BTBD16: variants seen among roughly 807,000 people sequenced by gnomAD.
BTBD16 encodes the protein BTB domain containing 16.
A neutral mutation model predicts 67.4 loss-of-function variants in BTBD16; 66 were observed. That is an observed-to-expected ratio of 0.98 (90% CI 0.80 to 1.20). The LOEUF (loss-of-function observed/expected upper bound fraction) is 1.20. Among genes scored for constraint, BTBD16 ranks in the 50% most tolerant of loss-of-function variants. The pLI is 0.00. For synonymous variants in BTBD16, 242 were observed against 236.4 expected, an observed-to-expected ratio of 1.02 and a Z score of -0.22; for missense variants, 634 against 616.0, an observed-to-expected ratio of 1.03 and a Z score of -0.31.
chr10:122,297,179 A>C (rs747093016), intron 7 of BTBD16, among the ~76,000 whole-genome samples: 2 of 152,190 alleles, frequency 1.3e-5, no homozygotes, highest in Non-Finnish European at 2.9e-5. Context: ...TTGACTTAAC[A>C]TGTCACCTCA....
At chr10:122,325,360 G>A (rs2096442607) in intron 10 of BTBD16, among the ~76,000 whole-genome samples, 1 of 152,164 alleles carries the variant, frequency 6.6e-6, no homozygotes, top group African/African-American at 2.4e-5. Flanking sequence ...GCAGAGACAA[G>A]CAATAAATCA....
chr10:122,303,429 T>C (rs2096397726), intron 9 of BTBD16, among the ~76,000 whole-genome samples: 1 of 152,268 alleles, frequency 6.6e-6, no homozygotes, highest in African/African-American at 2.4e-5. Flanking sequence ...GCATATCTAA[T>C]GAGCATTTAA....
At chr10:122,307,369 CATA>C in intron 10 of BTBD16, 61 bp downstream of exon 10, 1 of 1,455,978 alleles carries the variant, frequency 6.9e-7, no homozygotes, top group Non-Finnish European at 9.2e-7. Context: ...AAACACTGCT[CATA>C]ATATCACGGG....
chr10:122,303,885 C>G (rs2096398663), intron 9 of BTBD16, among the ~76,000 whole-genome samples: 1 of 152,150 alleles, frequency 6.6e-6, no homozygotes, highest in Non-Finnish European at 1.5e-5. Flanking sequence ...CAAACGAATA[C>G]TTTCAGGTCT....
chr10:122,299,833 T>C (rs960155672), intron 9 of BTBD16, among the ~76,000 whole-genome samples: 1 of 152,194 alleles, frequency 6.6e-6, no homozygotes, highest in Admixed American at 6.5e-5. Flanking sequence ...TCTAACTGTC[T>C]TGCTTCTGGT....
At position 122,334,916 on chromosome 10, in the gene BTBD16, T is replaced by C. The variant is rs746498662; in HGVS notation, c.1200T>C (p.Tyr400=). ...CTTATTCGAAAACGATTGCTCTATA[T>C]GGATTCTTCTTTAAGATAAAGGGAC... ...NTTYSKTIAL[Y]GFFFKIKGLK... Residue 400 remains tyrosine, a synonymous_variant, in exon 14 of 16, where the codon TAT becomes TAC. Transcript: ENST00000260723. 6.3e-7 allele frequency: 1 copy of C among 1,576,006 alleles called. No individual in the cohort carries two copies. Among genetic ancestry groups the C allele is most frequent in the East Asian group, 2.2e-5 (1 of 44,538 alleles).
At chr10:122,305,263 C>A (rs2096401590) in intron 9 of BTBD16, among the ~76,000 whole-genome samples, 2 of 152,196 alleles carry the variant, frequency 1.3e-5, no homozygotes, top group Non-Finnish European at 2.9e-5. Context: ...CCCAGGTGAT[C>A]AGTATAATAT....
intron 9 of BTBD16, among the ~76,000 whole-genome samples, chr10:122,306,535 G>A (rs1274478352): frequency 6.6e-6 from 1 of 152,150 alleles, no homozygotes; most frequent in Non-Finnish European, 1.5e-5. Context: ...GTCTGGTGAG[G>A]AACTGAGATT....
rs761951064 is a variant in BTBD16, at chr10:122,272,362, A to G, written c.-43+848A>G. 6.0e-4 allele frequency among the ~76,000 whole-genome samples: 91 copies of G among 152,018 alleles called. 1 individual carries two copies. Among genetic ancestry groups the G allele is most frequent in the Non-Finnish European group, 1.1e-3 (76 of 67,998 alleles). ...TTTTTCTTTTTTCTTTCCCCTCGAG[A>G]CAGAGTTTCGCTCTTGTTTCCCAGG... On this transcript the variant is annotated intron_variant, in intron 1 of 15. Transcript: ENST00000260723.
At chr10:122,328,512 G>C (rs1266035809) in intron 10 of BTBD16, among the ~76,000 whole-genome samples, 1 of 152,228 alleles carries the variant, frequency 6.6e-6, no homozygotes, top group Non-Finnish European at 1.5e-5. Flanking sequence ...AAAATAAACG[G>C]TTCCGGGAAA....
At chr10:122,299,637 C>G (rs1590067451) in intron 9 of BTBD16, among the ~76,000 whole-genome samples, 3 of 152,076 alleles carry the variant, frequency 2.0e-5, no homozygotes, top group African/African-American at 7.2e-5. Context: ...CCCAGTGTTC[C>G]TCCACCATCT....
chr10:122,280,035 G>T (rs1184531856), intron 3 of BTBD16, among the ~76,000 whole-genome samples: 1 of 152,164 alleles, frequency 6.6e-6, no homozygotes, highest in Non-Finnish European at 1.5e-5. Flanking sequence ...CAGAGGTGCT[G>T]ATCTTCAGGC....
intron 10 of BTBD16, among the ~76,000 whole-genome samples, chr10:122,313,202 AT>A (rs1403888159): frequency 6.7e-6 from 1 of 148,992 alleles, no homozygotes; most frequent in African/African-American, 2.5e-5. Context: ...GATGAACAAA[AT>A]TTTAAATTTT....
chr10:122,293,316 C>T (rs2096377374), intron 7 of BTBD16, among the ~76,000 whole-genome samples: 1 of 152,216 alleles, frequency 6.6e-6, no homozygotes, highest in South Asian at 2.1e-4. Flanking sequence ...AGAGTTCACA[C>T]AGTCAGATTC....
chr10:122,316,070 C>T (rs2096423701), intron 10 of BTBD16, among the ~76,000 whole-genome samples: 1 of 152,134 alleles, frequency 6.6e-6, no homozygotes, highest in African/African-American at 2.4e-5. Flanking sequence ...AGTTTGAGAC[C>T]AGCCTGACCA....
At chr10:122,336,827 G>A (rs1301352644) in intron 15 of BTBD16, 145 bp downstream of exon 15, 4 of 689,722 alleles carry the variant, frequency 5.8e-6, no homozygotes, top group East Asian at 6.4e-5. Flanking sequence ...GATTATCACA[G>A]CCTCAAATAA....
chr10:122,298,188 T>C (rs2096387151), intron 8 of BTBD16, among the ~76,000 whole-genome samples: 1 of 152,124 alleles, frequency 6.6e-6, no homozygotes, highest in Non-Finnish European at 1.5e-5. Flanking sequence ...GGGTTAGGAA[T>C]AAATGATAGA....
chr10:122,331,074 T>C, intron 11 of BTBD16, 102 bp from the exon 12 acceptor site: 1 of 1,481,824 alleles, frequency 6.7e-7, no homozygotes, highest in Non-Finnish European at 9.0e-7. Flanking sequence ...CCCTTTCCCT[T>C]CCCTCAGCTC....
intron 10 of BTBD16, among the ~76,000 whole-genome samples, chr10:122,314,374 C>T (rs1251366782): frequency 6.6e-6 from 1 of 152,106 alleles, no homozygotes; most frequent in Non-Finnish European, 1.5e-5. Context: ...CATGGTGGCA[C>T]ACTCCTGTAG....
Sources: allele counts gnomAD v4.1 joint callset (sites outside exome capture counted in the v4.1 genomes callset), GRCh38; gene constraint gnomAD v4.1.1; transcripts MANE v1.5; gene names NCBI Gene and HGNC (gene_info 2026-07-23, HGNC 2026-07-21).